Variants in RNF2 observed in about 807,000 individuals in gnomAD.
RNF2 encodes the protein E3 ubiquitin-protein ligase RING2.
RNF2 carries 6 observed loss-of-function variants against 37.2 expected under a neutral mutation model. The ratio of observed to expected loss-of-function variants is 0.16; its 90% confidence interval spans 0.09 to 0.32. The LOEUF is 0.32. RNF2 is among the 10% of genes least tolerant of loss of function. RNF2 has a pLI of 1.00. For synonymous variants in RNF2, 133 were observed against 132.7 expected, an observed-to-expected ratio of 1.00 and a Z score of -0.02; for missense variants, 251 against 404.0, an observed-to-expected ratio of 0.62 and a Z score of 3.25.
At chr1:185,074,168 C>T (rs1014510571) in intron 1 of RNF2, among the ~76,000 whole-genome samples, 9 of 152,212 alleles carry the variant, frequency 5.9e-5, no homozygotes, top group African/African-American at 2.2e-4. Context: ...GGGGTTCCAA[C>T]CATAGGAGCT....
chr1:185,082,367 T>TTTTTTTG (rs60213064), intron 1 of RNF2, among the ~76,000 whole-genome samples: 1 of 113,204 alleles, frequency 8.8e-6, no homozygotes, highest in African/African-American at 3.5e-5. Context: ...TTTTTTTTTT[T>TTTTTTTG]GAAGACAGAG....
chr1:185,076,294 T>G (rs1479163794), intron 1 of RNF2, among the ~76,000 whole-genome samples: 4 of 78,750 alleles, frequency 5.1e-5, no homozygotes, highest in African/African-American at 2.0e-4. Flanking sequence ...TTTTTTTTTT[T>G]TTTTTTTTTT....
At chr1:185,047,946 CA>C (rs1284206956) in intron 1 of RNF2, among the ~76,000 whole-genome samples, 4 of 152,176 alleles carry the variant, frequency 2.6e-5, no homozygotes, top group Non-Finnish European at 5.9e-5. Flanking sequence ...TGTTTATTTG[CA>C]TTTAATACTG....
intron 1 of RNF2, among the ~76,000 whole-genome samples, chr1:185,064,945 A>T (rs1447334956): frequency 6.6e-6 from 1 of 152,026 alleles, no homozygotes; most frequent in Non-Finnish European, 1.5e-5. Context: ...GAATTCATTT[A>T]TTCAGCTTTT....
intron 1 of RNF2, among the ~76,000 whole-genome samples, chr1:185,055,978 A>T (rs903279450): frequency 3.3e-5 from 5 of 152,280 alleles, no homozygotes; most frequent in East Asian, 1.9e-4. Flanking sequence ...TTGTAAAGTA[A>T]TGTATGTTTT....
intron 1 of RNF2, among the ~76,000 whole-genome samples, chr1:185,051,951 T>C (rs986090505): frequency 1.4e-5 from 2 of 143,728 alleles, no homozygotes; most frequent in South Asian, 2.2e-4. Context: ...TATACATTTT[T>C]ACATATATAT....
intron 1 of RNF2, among the ~76,000 whole-genome samples, chr1:185,064,483 G>A (rs971119631): frequency 2.0e-5 from 3 of 152,182 alleles, no homozygotes; most frequent in Non-Finnish European, 4.4e-5. Flanking sequence ...AAAGCAATAT[G>A]CATTCAGCAT....
intron 1 of RNF2, among the ~76,000 whole-genome samples, chr1:185,047,240 A>G (rs1056852660): frequency 6.6e-6 from 1 of 152,222 alleles, no homozygotes; most frequent in African/African-American, 2.4e-5. Flanking sequence ...AAATTGCCCG[A>G]GTCAGGCCAA....
chr1:185,063,276 A>G (rs1228683792), intron 1 of RNF2, among the ~76,000 whole-genome samples: 1 of 152,194 alleles, frequency 6.6e-6, no homozygotes, highest in Non-Finnish European at 1.5e-5. Flanking sequence ...CATAAAAACC[A>G]TTTGGCTGGC....
At chr1:185,064,843 A>G (rs1571301628) in intron 1 of RNF2, among the ~76,000 whole-genome samples, 1 of 151,992 alleles carries the variant, frequency 6.6e-6, no homozygotes, top group Admixed American at 6.5e-5. Flanking sequence ...GTTGTTGTAT[A>G]TGGAATTTTT....
At chr1:185,061,150 C>T (rs759430204) in intron 1 of RNF2, among the ~76,000 whole-genome samples, 5 of 138,712 alleles carry the variant, frequency 3.6e-5, no homozygotes, top group Admixed American at 2.2e-4. Flanking sequence ...TTTTTTGAGA[C>T]GGAATCTCGC....
intron 1 of RNF2, among the ~76,000 whole-genome samples, chr1:185,065,774 A>G (rs1318973206): frequency 6.6e-6 from 1 of 152,182 alleles, no homozygotes; most frequent in Admixed American, 6.5e-5. Context: ...AGAGCAAGAA[A>G]CCACTGGAAG....
intron 1 of RNF2, among the ~76,000 whole-genome samples, chr1:185,064,447 C>G (rs915670225): frequency 6.6e-6 from 1 of 152,142 alleles, no homozygotes; most frequent in Admixed American, 6.5e-5. Context: ...GTTCGACTTA[C>G]GATTTTTCAA....
At chr1:185,065,128 C>T (rs1650761777) in intron 1 of RNF2, among the ~76,000 whole-genome samples, 1 of 151,856 alleles carries the variant, frequency 6.6e-6, no homozygotes, top group Non-Finnish European at 1.5e-5. Context: ...ACCAATCAGC[C>T]CTCTTTGTCT....
chr1:185,047,239 G>A (rs974943818), intron 1 of RNF2, among the ~76,000 whole-genome samples: 1 of 152,182 alleles, frequency 6.6e-6, no homozygotes, highest in Non-Finnish European at 1.5e-5. Flanking sequence ...AAAATTGCCC[G>A]AGTCAGGCCA....
intron 1 of RNF2, among the ~76,000 whole-genome samples, chr1:185,085,452 T>C (rs369389423): frequency 2.1e-3 from 312 of 152,062 alleles, no homozygotes; most frequent in African/African-American, 7.2e-3. Flanking sequence ...TTCTTTCTTA[T>C]ACCAGTGTTT....
chr1:185,059,228 TA>T (rs35280730), intron 1 of RNF2, among the ~76,000 whole-genome samples: 17 of 147,266 alleles, frequency 1.2e-4, no homozygotes, highest in East Asian at 2.0e-4. Context: ...CAGTCTGGAT[TA>T]AAAAAAAAAA....
intron 2 of RNF2, 139 bp downstream of exon 2, chr1:185,087,779 C>T (rs752227521): frequency 3.0e-6 from 2 of 660,822 alleles, no homozygotes; most frequent in Non-Finnish European, 5.3e-6. Flanking sequence ...TGTTGGCTAA[C>T]ACTTTATTCA....
At chr1:185,095,049 T>TA (rs1170531687) in intron 4 of RNF2, among the ~76,000 whole-genome samples, 3 of 152,188 alleles carry the variant, frequency 2.0e-5, no homozygotes, top group African/African-American at 7.2e-5. Flanking sequence ...ACCACTGGCT[T>TA]AAAGGTTAAA....
Sources: gnomAD v4.1 joint callset for allele counts (sites outside exome capture counted in the v4.1 genomes callset) on GRCh38, gnomAD v4.1.1 for gene constraint, MANE v1.5 for transcripts, NCBI Gene and HGNC (gene_info 2026-07-23, HGNC 2026-07-21) for gene names.